TNFSF13B: variants seen among roughly 807,000 people sequenced by gnomAD.
TNFSF13B encodes tumor necrosis factor ligand superfamily member 13B.
A neutral mutation model predicts 29.1 loss-of-function variants in TNFSF13B; 8 were observed. The ratio of observed to expected loss-of-function variants is 0.27; its 90% CI spans 0.16 to 0.50. The LOEUF (loss-of-function observed/expected upper bound fraction) is 0.50, where lower values mean the gene tolerates loss of function less well. Ranked by LOEUF, TNFSF13B falls within the 20% of genes least tolerant of loss-of-function variation. TNFSF13B has a pLI of 0.98. For missense variants in TNFSF13B, 248 were observed against 334.9 expected, an observed-to-expected ratio of 0.74 and a Z score of 2.03; for synonymous variants, 125 against 130.8, an observed-to-expected ratio of 0.96 and a Z score of 0.30.
intron 2 of TNFSF13B, 90 bp from the exon 3 acceptor site, chr13:108,286,713 T>C (rs1218701828): frequency 2.7e-6 from 2 of 738,182 alleles, no homozygotes; most frequent in East Asian, 3.0e-5. Context: ...TGATTTAGTG[T>C]TTCTGGAAGA....
chr13:108,272,394 T>A (rs1880644203), intron 2 of TNFSF13B, among the ~76,000 whole-genome samples: 1 of 152,084 alleles, frequency 6.6e-6, no homozygotes, highest in South Asian at 2.1e-4. Flanking sequence ...CTTTAAAAAA[T>A]TTTCCCTAAT....
chr13:108,299,284 A>T (rs1881544905), intron 3 of TNFSF13B, among the ~76,000 whole-genome samples: 2 of 145,240 alleles, frequency 1.4e-5, no homozygotes, highest in African/African-American at 5.2e-5. Flanking sequence ...TAATGACTTT[A>T]TTCTTTTGGT....
At chr13:108,301,426 G>A (rs1453260762) in intron 3 of TNFSF13B, 1 of 152,200 alleles carries the variant, frequency 6.6e-6, no homozygotes, top group Admixed American at 6.5e-5. Context: ...AATGGATGAG[G>A]AAAATGTGCA....
At chr13:108,275,324 G>A (rs1880734047) in intron 2 of TNFSF13B, among the ~76,000 whole-genome samples, 1 of 152,024 alleles carries the variant, frequency 6.6e-6, no homozygotes, top group African/African-American at 2.4e-5. Context: ...AATGTCTTTA[G>A]AGTCTATCAA....
chr13:108,293,876 C>T (rs1367932252), intron 3 of TNFSF13B, among the ~76,000 whole-genome samples: 1 of 152,148 alleles, frequency 6.6e-6, no homozygotes, highest in Non-Finnish European at 1.5e-5. Context: ...GTTCTTGTGT[C>T]TTTTCTTATA....
At chr13:108,284,316 G>C (rs887049520) in intron 2 of TNFSF13B, among the ~76,000 whole-genome samples, 4 of 152,086 alleles carry the variant, frequency 2.6e-5, no homozygotes, top group South Asian at 2.1e-4. Context: ...GCGACAGAGC[G>C]AGACTCCGTC....
chr13:108,282,023 A>G (rs551532404), intron 2 of TNFSF13B, among the ~76,000 whole-genome samples: 13 of 152,226 alleles, frequency 8.5e-5, no homozygotes, highest in South Asian at 4.1e-4. Context: ...ACCAAATGAT[A>G]AGTTTTGCAG....
intron 2 of TNFSF13B, among the ~76,000 whole-genome samples, chr13:108,272,411 GC>G (rs1024118977): frequency 5.9e-5 from 9 of 151,894 alleles, no homozygotes; most frequent in African/African-American, 2.2e-4. Flanking sequence ...TAATATTAAA[GC>G]TAAAAATACA....
At chr13:108,295,888 A>C (rs1168718207) in intron 3 of TNFSF13B, among the ~76,000 whole-genome samples, 1 of 146,372 alleles carries the variant, frequency 6.8e-6, no homozygotes, top group East Asian at 1.9e-4. Flanking sequence ...CTTAATAGAG[A>C]GCCATTTCAG....
At chr13:108,295,770 C>A (rs1881445393) in intron 3 of TNFSF13B, among the ~76,000 whole-genome samples, 1 of 144,884 alleles carries the variant, frequency 6.9e-6, no homozygotes, top group Admixed American at 6.8e-5. Flanking sequence ...CTATTTTCTT[C>A]TAGGATTTAT....
chr13:108,299,369 G>A, intron 3 of TNFSF13B, among the ~76,000 whole-genome samples: 1 of 110,298 alleles, frequency 9.1e-6, no homozygotes, highest in African/African-American at 3.6e-5. Flanking sequence ...CAGTTAGGCA[G>A]TTAGGATGTT....
chr13:108,287,887 T>A (rs981267600), intron 3 of TNFSF13B, among the ~76,000 whole-genome samples: 1 of 152,210 alleles, frequency 6.6e-6, no homozygotes, highest in Non-Finnish European at 1.5e-5. Flanking sequence ...GAAACAACTT[T>A]TAATGTCATT....
At chr13:108,299,354 G>A (rs1199241931) in intron 3 of TNFSF13B, among the ~76,000 whole-genome samples, 3 of 114,290 alleles carry the variant, frequency 2.6e-5, no homozygotes, top group Non-Finnish European at 6.0e-5. Context: ...TTCTTGAAAA[G>A]TGAACAGTTA....
chr13:108,283,138 G>A (rs949875566), intron 2 of TNFSF13B, among the ~76,000 whole-genome samples: 1 of 152,210 alleles, frequency 6.6e-6, no homozygotes, highest in Non-Finnish European at 1.5e-5. Flanking sequence ...CCAGATCTAT[G>A]TTGAATGAGA....
At chr13:108,304,051 G>A (rs1328325074) in intron 5 of TNFSF13B, among the ~76,000 whole-genome samples, 2 of 152,180 alleles carry the variant, frequency 1.3e-5, no homozygotes, top group Admixed American at 6.6e-5. Context: ...TCGCATTTAA[G>A]GGAGTTAGGA....
chr13:108,296,363 C>A lies in TNFSF13B; in HGVS notation c.482-6890C>A, dbSNP rs921964645. On this transcript the variant is annotated intron_variant, in intron 3 of 5. Transcript: ENST00000375887. The stretch of plus-strand genomic sequence containing the variant: ...CTCTTTGTTTCATAAAAATTTTTGG[C>A]TTAACATGTATTTATTCTGATATCA... Among the ~76,000 whole-genome samples the A allele has an allele frequency of 3.4e-5, 5 of 145,672 alleles. 1 individual carries two copies. The highest frequency in any genetic ancestry group is 7.6e-5 in the Non-Finnish European group (5 of 65,518).
chr13:108,291,405 T>C (rs1261285836), intron 3 of TNFSF13B, among the ~76,000 whole-genome samples: 3 of 151,826 alleles, frequency 2.0e-5, no homozygotes, highest in African/African-American at 7.2e-5. Context: ...TTTTTTCTTT[T>C]AGTATGTATT....
upstream of TNFSF13B, chr13:108,269,693 A>T: frequency 2.0e-6 from 1 of 503,632 alleles, no homozygotes; most frequent in Non-Finnish European, 3.5e-6. Context: ...TCGGAGGGTA[A>T]ATGCCAGCAA....
intron 3 of TNFSF13B, among the ~76,000 whole-genome samples, chr13:108,291,705 G>A (rs1175708956): frequency 1.3e-5 from 2 of 151,900 alleles, no homozygotes; most frequent in East Asian, 3.9e-4. Context: ...GCAAAACAGA[G>A]TTGCTCTTTG....
Sources: gnomAD v4.1 joint callset for allele counts (sites outside exome capture counted in the v4.1 genomes callset) on GRCh38, gnomAD v4.1.1 for gene constraint, MANE v1.5 for transcripts, NCBI Gene and HGNC (gene_info 2026-07-23, HGNC 2026-07-21) for gene names.